Variants in TLK1 observed in about 807,000 individuals in gnomAD.
TLK1 encodes the protein tousled like kinase 1.
TLK1 carries 24 observed loss-of-function variants against 105.3 expected under a neutral mutation model. That is an observed-to-expected ratio of 0.23 (90% CI 0.17 to 0.32). The LOEUF (loss-of-function observed/expected upper bound fraction) is 0.32, where lower values mean the gene tolerates loss of function less well. Ranked by LOEUF, TLK1 falls within the 10% of genes least tolerant of loss-of-function variation. The pLI is 1.00. For missense variants in TLK1, 558 were observed against 910.5 expected (o/e 0.61, Z 4.98); for synonymous variants, 321 against 310.4 (o/e 1.03, Z -0.36).
chr2:171,187,051 C>A (rs1693038102), intron 1 of TLK1, among the ~76,000 whole-genome samples: 1 of 73,718 alleles, frequency 1.4e-5, no homozygotes, highest in Non-Finnish European at 2.3e-5. Context: ...GGGTGAGACT[C>A]TGTCTCAAAA....
intron 2 of TLK1, among the ~76,000 whole-genome samples, chr2:171,107,827 C>A (rs1689993600): frequency 6.6e-6 from 1 of 151,942 alleles, no homozygotes; most frequent in Admixed American, 6.6e-5. Context: ...GGGAGGCCGA[C>A]GTGGGCGAAC....
chr2:171,063,364 A>G (rs1687845671), intron 3 of TLK1, among the ~76,000 whole-genome samples: 1 of 152,074 alleles, frequency 6.6e-6, no homozygotes, highest in African/African-American at 2.4e-5. Context: ...AAGAACCCCA[A>G]GTCTACGTTA....
rs1387145941 is a variant in TLK1, at chr2:170,992,751, G to A, written c.*1029C>T. On this transcript the variant is annotated 3_prime_UTR_variant, in exon 21 of 21. Transcript: ENST00000431350. ...GGTCATTTAATTTTTTAGCAAAGAA[G>A]CAACATCATTTAGCAGCAATTAGAG... 1 of 152,412 alleles carries A rather than the reference G, an allele frequency of 6.6e-6. No homozygotes were observed. The highest frequency in any genetic ancestry group is 1.5e-5 in the Non-Finnish European group (1 of 67,972). 9.4% of individuals were successfully genotyped at this position (152,412 alleles called of 1,614,324 possible). A position where few individuals can be genotyped will look rare whatever the true frequency, so the allele number is the denominator to read the frequency against.
At chr2:171,229,778 A>G (rs1318548917) in intron 1 of TLK1, among the ~76,000 whole-genome samples, 1 of 152,160 alleles carries the variant, frequency 6.6e-6, no homozygotes, top group Non-Finnish European at 1.5e-5. Context: ...CCTCTCAATC[A>G]ATTTTTAAAA....
chr2:171,113,123 T>C (rs903997464), intron 2 of TLK1, among the ~76,000 whole-genome samples: 3 of 151,948 alleles, frequency 2.0e-5, no homozygotes, highest in Admixed American at 6.6e-5. Context: ...AAACGAGAGA[T>C]TTTACTCTAC....
intron 1 of TLK1, among the ~76,000 whole-genome samples, chr2:171,159,252 G>A (rs892536595): frequency 1.3e-5 from 2 of 152,144 alleles, no homozygotes; most frequent in African/African-American, 4.8e-5. Flanking sequence ...TGAACAGCCC[G>A]TCTACCAATT....
intron 3 of TLK1, among the ~76,000 whole-genome samples, chr2:171,079,545 AT>A (rs35364226): frequency 1.3e-5 from 2 of 152,220 alleles, no homozygotes; most frequent in African/African-American, 4.8e-5. Context: ...AATATCCTGA[AT>A]TTTTTGGAGC....
intron 3 of TLK1, among the ~76,000 whole-genome samples, chr2:171,068,148 G>A (rs563057291): frequency 6.6e-5 from 10 of 152,124 alleles, no homozygotes; most frequent in Middle Eastern, 3.4e-3. Flanking sequence ...CCAACATGGC[G>A]AAACCCCACC....
Position 171,160,496 on chromosome 2 carries a change from C to A in TLK1, c.-68G>T. On this transcript the variant is annotated 5_prime_UTR_variant, in exon 1 of 21. Transcript: ENST00000431350. This position sits in a 1 kb window ranked among gnomAD's most constrained non-coding sequence, Gnocchi z 4.4. Reference sequence around the variant, plus strand: ...GCGGCGGCAACGGCACCGGCACCCGCCTCCGTCATGGCGGGGGCCGCGCTG... The same window carrying A: ...GCGGCGGCAACGGCACCGGCACCCGACTCCGTCATGGCGGGGGCCGCGCTG... The A allele has an allele frequency of 6.4e-7, 1 of 1,571,238 alleles. No individual in the cohort carries two copies. The highest frequency in any genetic ancestry group is 8.6e-7 in the Non-Finnish European group (1 of 1,163,688).
chr2:171,132,957 T>A (rs959310148), intron 1 of TLK1, among the ~76,000 whole-genome samples: 1 of 152,210 alleles, frequency 6.6e-6, no homozygotes, highest in Admixed American at 6.5e-5. Flanking sequence ...TGAGAATAAA[T>A]GTCTAACTTA....
chr2:171,022,086 AACACACACACACACACACAC>A (rs557803785), intron 12 of TLK1, among the ~76,000 whole-genome samples: 1 of 103,010 alleles, frequency 9.7e-6, no homozygotes, highest in Admixed American at 1.0e-4. Context: ...CTGGGCGAAA[AACACACACACACACACACAC>A]ACACACACAC....
intron 2 of TLK1, among the ~76,000 whole-genome samples, chr2:171,094,306 A>G (rs1445865390): frequency 6.6e-6 from 1 of 152,180 alleles, no homozygotes; most frequent in Non-Finnish European, 1.5e-5. Flanking sequence ...TGAAGAAATT[A>G]AAATCATGAG....
intron 1 of TLK1, among the ~76,000 whole-genome samples, chr2:171,124,093 A>G (rs1690773182): frequency 6.6e-6 from 1 of 152,194 alleles, no homozygotes. Context: ...TGAAATATGG[A>G]ACTTTCTGTG....
chr2:171,006,945 A>T (rs1381213148), intron 15 of TLK1, 27 bp downstream of exon 15: 1 of 1,603,104 alleles, frequency 6.2e-7, no homozygotes, highest in Non-Finnish European at 8.5e-7. Context: ...ATTCAATTTT[A>T]AAAAACCATA....
chr2:171,119,602 T>C (rs980434223), intron 1 of TLK1, among the ~76,000 whole-genome samples: 2 of 152,220 alleles, frequency 1.3e-5, no homozygotes, highest in African/African-American at 4.8e-5. Context: ...AAAATAAGAA[T>C]ATGGTACTGG....
At chr2:171,201,191 C>T (rs1693391820) in intron 1 of TLK1, among the ~76,000 whole-genome samples, 5 of 151,948 alleles carry the variant, frequency 3.3e-5, no homozygotes, top group Admixed American at 3.3e-4. Context: ...GCCTCAAATC[C>T]CATTTTTATA....
At chr2:171,113,614 A>T (rs1198129483) in intron 2 of TLK1, among the ~76,000 whole-genome samples, 2 of 152,174 alleles carry the variant, frequency 1.3e-5, no homozygotes, top group Non-Finnish European at 2.9e-5. Flanking sequence ...ATATGTGTTA[A>T]TTATGTAAGT....
intron 18 of TLK1, 89 bp downstream of exon 18, chr2:171,006,058 T>A: frequency 7.7e-7 from 1 of 1,301,754 alleles, no homozygotes; most frequent in Non-Finnish European, 1.0e-6. Flanking sequence ...TCTTAATGGC[T>A]ACATGGAAAT....
chr2:171,048,722 TGA>T (rs1292833500), intron 10 of TLK1, among the ~76,000 whole-genome samples: 2 of 152,228 alleles, frequency 1.3e-5, no homozygotes, highest in African/African-American at 4.8e-5. Flanking sequence ...ATAAATCTGC[TGA>T]GAGAGAAGGC....
Sources: allele counts gnomAD v4.1 joint callset (sites outside exome capture counted in the v4.1 genomes callset), GRCh38; gene constraint gnomAD v4.1.1; non-coding constraint Gnocchi (gnomAD v3.1); transcripts MANE v1.5; gene names NCBI Gene and HGNC (gene_info 2026-07-23, HGNC 2026-07-21).